Variants in OSBPL5 observed in about 807,000 individuals in gnomAD.
OSBPL5 encodes the protein oxysterol binding protein like 5.
OSBPL5 carries 71 observed loss-of-function variants against 111.2 expected under a neutral mutation model. The ratio of observed to expected loss-of-function variants is 0.64; its 90% CI spans 0.53 to 0.78. OSBPL5 has a LOEUF of 0.78. OSBPL5 is among the 30% of genes least tolerant of loss of function. The probability of loss-of-function intolerance (pLI) is 0.00; values close to 1 mark genes in which losing one functional copy is unlikely to be tolerated. For missense variants in OSBPL5, 1,210 were observed against 1,189.3 expected, an observed-to-expected ratio of 1.02 and a Z score of -0.26; for synonymous variants, 549 against 513.9, an observed-to-expected ratio of 1.07 and a Z score of -0.93.
Position 3,090,594 on chromosome 11 carries a change from G to C in OSBPL5, c.2362C>G (p.Leu788Val). The change falls in exon 20 of 22, where the codon CTC becomes GTC. Residue 788 changes from leucine to valine, a missense_variant. By Grantham distance (32) the Leu-to-Val change is conservative (BLOSUM62 1). Coordinates refer to ENST00000263650, the MANE Select transcript of OSBPL5 (RefSeq NM_020896.4). ...SGSTPESCPE[L>V]SDEEQDGDFV... Reference sequence around the variant, plus strand: ...TCACCATCCTGCTCCTCGTCTGAGAGCTCTGGGCAGGACTCAGGCGTGGAT... The same window carrying C: ...TCACCATCCTGCTCCTCGTCTGAGACCTCTGGGCAGGACTCAGGCGTGGAT... The C allele has an allele frequency of 3.1e-6, 5 of 1,613,124 alleles. No homozygotes were observed. Among genetic ancestry groups the C allele is most frequent in the Non-Finnish European group, 4.2e-6 (5 of 1,179,952 alleles).
intron 1 of OSBPL5, among the ~76,000 whole-genome samples, chr11:3,134,723 G>C (rs1489034394): frequency 6.6e-6 from 1 of 152,224 alleles, no homozygotes; most frequent in African/African-American, 2.4e-5. Flanking sequence ...CCATGTGGCG[G>C]GATGGGCCGG....
rs374354189 is a variant in OSBPL5, at chr11:3,129,126, C to A, written c.23G>T (p.Arg8Leu). The A allele has an allele frequency of 2.7e-6, 4 of 1,485,958 alleles. No individual in the cohort carries two copies. The highest frequency in any genetic ancestry group is 3.6e-6 in the Non-Finnish European group (4 of 1,114,398). 92.0% of individuals were successfully genotyped at this position (1,485,958 alleles called of 1,614,324 possible). A position where few individuals can be genotyped will look rare whatever the true frequency, so the allele number is the denominator to read the frequency against. ...AGGTGGACACAGGGAGAAGCGGCGC[C>A]GGAGGAAGGCCTCCTCCTTCATGCT... is the stretch of plus-strand genomic sequence containing the variant. MKEEAFL[R>L]RRFSLCPPSS... The change falls in exon 2 of 22, where the codon CGG (arginine) becomes CTG (leucine). Residue 8 changes from arginine (R) to leucine (L), a missense_variant. By Grantham distance (102) the Arg-to-Leu change is moderately radical. Coordinates refer to ENST00000263650, the MANE Select transcript of OSBPL5 (RefSeq NM_020896.4).
rs182638559 is a variant in OSBPL5 at position 3,121,535 on chromosome 11, C to T, written c.402+462G>A. Among the ~76,000 whole-genome samples the T allele has an allele frequency of 1.6e-3, 237 of 152,224 alleles. 2 individuals are homozygous for T. The highest frequency in any genetic ancestry group is 5.5e-3 in the African/African-American group (229 of 41,524). On this transcript the variant is annotated intron_variant, in intron 5 of 21. Coordinates refer to ENST00000263650, the MANE Select transcript of OSBPL5 (RefSeq NM_020896.4). The surrounding 1 kb of genome is among the most constrained non-coding windows in gnomAD (Gnocchi z 4.3). ...TCTGGTATGCGTTGCCCAGCAGCCT[C>T]GGAGTTGGGCAGTTTTACCTCCACT...
chr11:3,148,048 G>A (rs1846421907), intron 1 of OSBPL5, among the ~76,000 whole-genome samples: 1 of 152,218 alleles, frequency 6.6e-6, no homozygotes, highest in Non-Finnish European at 1.5e-5. Context: ...ACTGGCTGCA[G>A]AGGCTCCCAT....
At chr11:3,155,887 A>G (rs1590735213) in intron 1 of OSBPL5, among the ~76,000 whole-genome samples, 1 of 152,190 alleles carries the variant, frequency 6.6e-6, no homozygotes, top group Admixed American at 6.5e-5. Flanking sequence ...CTGTGAGCAG[A>G]CCTGCAGAAC....
intron 1 of OSBPL5, chr11:3,160,873 T>C (rs1018007941): frequency 3.3e-5 from 5 of 152,144 alleles, no homozygotes; most frequent in African/African-American, 1.2e-4. Flanking sequence ...TCCCCCAGCG[T>C]CTGGAGGCCC....
chr11:3,103,385 G>A, intron 10 of OSBPL5, 65 bp from the exon 11 acceptor site: 1 of 1,438,634 alleles, frequency 7.0e-7, no homozygotes, highest in Non-Finnish European at 9.5e-7. Flanking sequence ...CCCTTTCCCT[G>A]ACCCTTCCCT....
At chr11:3,102,393 C>T in intron 11 of OSBPL5, 112 bp from the exon 12 acceptor site, 1 of 959,102 alleles carries the variant, frequency 1.0e-6, no homozygotes, top group Non-Finnish European at 1.6e-6. Flanking sequence ...CCGCTGCCTG[C>T]TGGCCTGGTT....
intron 1 of OSBPL5, chr11:3,160,918 C>A (rs1457448567): frequency 2.0e-5 from 3 of 152,200 alleles, no homozygotes; most frequent in African/African-American, 7.2e-5. Flanking sequence ...GGGCACTTAC[C>A]AAGGGGCCAT....
At chr11:3,101,406 T>A (rs1857450629) in intron 13 of OSBPL5, among the ~76,000 whole-genome samples, 197 bp downstream of exon 13, 1 of 152,088 alleles carries the variant, frequency 6.6e-6, no homozygotes, top group Non-Finnish European at 1.5e-5. Flanking sequence ...GTGCCCACTC[T>A]CAGCTCGGGG....
intron 20 of OSBPL5, 143 bp downstream of exon 20, chr11:3,090,415 G>GA: frequency 8.7e-7 from 1 of 1,152,748 alleles, no homozygotes; most frequent in Non-Finnish European, 1.2e-6. Context: ...CTGCTGGGGG[G>GA]CCCCTCAGGG....
intron 10 of OSBPL5, among the ~76,000 whole-genome samples, chr11:3,103,807 T>TTCCTGCCTGCGCAGCCCC (rs1857575189): frequency 2.2e-5 from 1 of 44,470 alleles, no homozygotes; most frequent in African/African-American, 5.8e-5. Context: ...TCTGCAGCCC[T>TTCCTGCCTGCGCAGCCCC]CTTCCTGCCT....
At chr11:3,133,723 G>GC (rs1452138681) in intron 1 of OSBPL5, among the ~76,000 whole-genome samples, 5 of 152,242 alleles carry the variant, frequency 3.3e-5, no homozygotes, top group African/African-American at 1.2e-4. Context: ...ATCTCATCCT[G>GC]CCCCCACAGT....
At chr11:3,131,856 A>ACCATCCATCCATCCTCCTGTCCATCCAT (rs58749026) in intron 1 of OSBPL5, among the ~76,000 whole-genome samples, 447 of 41,746 alleles carry the variant, frequency 0.011, 46 homozygotes, top group African/African-American at 0.038. Context: ...CACCCACCAA[A>ACCATCCATCCATCCTCCTGTCCATCCAT]CCATCCATCC....
intron 1 of OSBPL5, among the ~76,000 whole-genome samples, chr11:3,149,371 G>A (rs913435754): frequency 5.2e-4 from 79 of 152,352 alleles, no homozygotes; most frequent in Admixed American, 1.8e-3. Context: ...GGCCAGGAAA[G>A]GGGCAAGATC....
At chr11:3,143,010 G>C (rs1426510492) in intron 1 of OSBPL5, among the ~76,000 whole-genome samples, 52 of 76,890 alleles carry the variant, frequency 6.8e-4, no homozygotes, top group Non-Finnish European at 7.9e-4. Flanking sequence ...AGGTGCAGAG[G>C]GGGGCAGAGG....
chr11:3,093,790 T>C lies in OSBPL5; in HGVS notation c.1765A>G (p.Ile589Val). 1.9e-6 allele frequency: 3 copies of C among 1,613,172 alleles called. No homozygotes were observed. The highest frequency in any genetic ancestry group is 2.5e-6 in the Non-Finnish European group (3 of 1,180,004). The change falls in exon 16 of 22, where the codon ATC (isoleucine) becomes GTC (valine). Residue 589 changes from isoleucine to valine, a missense_variant. Physicochemically the swap from Ile to Val is conservative, Grantham distance 29. Transcript: ENST00000263650. Reference sequence around the variant, plus strand: ...GCCAGGACTTCCTCTCCCGACGTGATCTTTCCCGAGATCTGGTTGATGCTG... The same window carrying C: ...GCCAGGACTTCCTCTCCCGACGTGACCTTTCCCGAGATCTGGTTGATGCTG... ...STSINQISGK[I>V]TSGEEVLASL... is the part of the protein sequence containing the mutation.
intron 1 of OSBPL5, among the ~76,000 whole-genome samples, chr11:3,163,163 CACA>C (rs1287730676): frequency 6.6e-6 from 1 of 152,224 alleles, no homozygotes; most frequent in Non-Finnish European, 1.5e-5. Flanking sequence ...GAGCTGGGTC[CACA>C]ACATTTCTCA....
In OSBPL5 at chr11:3,141,288, C is replaced by A. The variant is rs1019984815; in HGVS notation, c.-21-12119G>T. On this transcript the variant is annotated intron_variant, in intron 1 of 21. Coordinates refer to ENST00000263650, the MANE Select transcript of OSBPL5 (RefSeq NM_020896.4). This position sits in a 1 kb window ranked among gnomAD's most constrained non-coding sequence, Gnocchi z 6.5. ...CAATGCACAGCGTCCTTTGACCAAGCGCCTCCTGCTCACCCGGGAACACAC... is the reference window on the plus strand; with the variant it reads ...CAATGCACAGCGTCCTTTGACCAAGAGCCTCCTGCTCACCCGGGAACACAC... 3.3e-5 allele frequency among the ~76,000 whole-genome samples: 5 copies of A among 152,098 alleles called. No individual in the cohort carries two copies. Among genetic ancestry groups the A allele is most frequent in the African/African-American group, 7.2e-5 (3 of 41,422 alleles).
Sources: gnomAD v4.1 joint callset for allele counts (sites outside exome capture counted in the v4.1 genomes callset) on GRCh38, gnomAD v4.1.1 for gene constraint, Gnocchi (gnomAD v3.1) non-coding constraint, MANE v1.5 for transcripts, NCBI Gene and HGNC (gene_info 2026-07-23, HGNC 2026-07-21) for gene names.